TMOD1: variants seen among roughly 807,000 people sequenced by gnomAD.
TMOD1 encodes the protein tropomodulin-1.
TMOD1 carries 17 observed loss-of-function variants against 40.6 expected under a neutral mutation model. The ratio of observed to expected loss-of-function variants is 0.42; its 90% CI spans 0.29 to 0.63. TMOD1 has a LOEUF of 0.63. TMOD1 is among the 20% of genes least tolerant of loss of function. The pLI, the probability that TMOD1 is intolerant of heterozygous loss-of-function variation, is 0.22. For synonymous variants in TMOD1, 181 were observed against 175.0 expected (o/e 1.03, Z -0.27); for missense variants, 391 against 447.6 (o/e 0.87, Z 1.14).
At position 97,599,829 on chromosome 9, in the gene TMOD1, G is replaced by A. The variant is rs1826212994; in HGVS notation, c.*131G>A. The A allele has an allele frequency of 1.3e-6, 2 of 1,500,518 alleles. No individual in the cohort carries two copies. The highest frequency in any genetic ancestry group is 1.8e-6 in the Non-Finnish European group (2 of 1,116,442). The allele number at this position is 1,500,518 out of a possible 1,614,324, so 93.0% of individuals were successfully genotyped here. On this transcript the variant is annotated 3_prime_UTR_variant, in exon 10 of 10. Transcript: ENST00000259365. The stretch of plus-strand genomic sequence containing the variant: ...TGTGGTTCAGTTCTTTATGCACTAA[G>A]GTTTTAGGTTGACTAGTGGTTGTAG...
chr9:97,509,842 C>T lies in TMOD1; in HGVS notation c.-49+8039C>T, dbSNP rs184630132. On this transcript the variant is annotated intron_variant, in intron 1 of 9. Coordinates refer to ENST00000259365, the MANE Select transcript of TMOD1 (RefSeq NM_003275.4). ...GTCAATCTGATAGAACTGATATCTC[C>T]TTCCACAATTTGCTTTTTTATAATT... Among the ~76,000 whole-genome samples, 10 of 152,296 alleles carry T rather than the reference C, an allele frequency of 6.6e-5. No homozygotes were observed. In the East Asian group the frequency reaches 1.9e-3, roughly 29 times the overall value.
At chr9:97,584,102 A>C (rs1825815896) in intron 8 of TMOD1, among the ~76,000 whole-genome samples, 3 of 148,982 alleles carry the variant, frequency 2.0e-5, no homozygotes, top group Non-Finnish European at 3.0e-5. Flanking sequence ...TTAGGGTGTC[A>C]ATTTTGGATC....
At chr9:97,596,557 T>G (rs1187545479) in intron 9 of TMOD1, among the ~76,000 whole-genome samples, 1 of 152,210 alleles carries the variant, frequency 6.6e-6, no homozygotes, top group Non-Finnish European at 1.5e-5. Flanking sequence ...GGGAAGTAGG[T>G]AATTAACATT....
rs1172699377 is a variant in TMOD1 at position 97,564,857 on chromosome 9, A to AG, written c.618+695dup. 8.5e-5 allele frequency among the ~76,000 whole-genome samples: 12 copies of AG among 141,714 alleles called. No homozygotes were observed. The East Asian group carries it at 2.4e-3, about 29-fold the overall frequency. The allele number at this position is 141,714 out of a possible 152,430, so 93.0% of individuals were successfully genotyped here. On this transcript the variant is annotated intron_variant, in intron 6 of 9. Transcript: ENST00000259365. ...CAGAGACCAGTGGATTAGTTCTGGGAGGGGGGTGGGGGTAAGACTAGAAGC... is the reference window on the plus strand; with the variant it reads ...CAGAGACCAGTGGATTAGTTCTGGGAGGGGGGGTGGGGGTAAGACTAGAAGC...
chr9:97,589,397 G>A (rs544556616), intron 8 of TMOD1, among the ~76,000 whole-genome samples: 2 of 147,564 alleles, frequency 1.4e-5, no homozygotes, highest in Admixed American at 6.8e-5. Flanking sequence ...TCAGCCTCCC[G>A]AGTATCTGGG....
At chr9:97,528,990 A>G (rs949251232) in intron 2 of TMOD1, among the ~76,000 whole-genome samples, 1 of 152,174 alleles carries the variant, frequency 6.6e-6, no homozygotes. Flanking sequence ...TATCATCCCC[A>G]TTTTACAGAT....
chr9:97,575,201 G>A (rs1269648063), intron 8 of TMOD1, among the ~76,000 whole-genome samples: 1 of 151,588 alleles, frequency 6.6e-6, no homozygotes, highest in Non-Finnish European at 1.5e-5. Flanking sequence ...TCGAGACCAC[G>A]AACCCACTGG....
chr9:97,511,160 G>A (rs1445137415), intron 1 of TMOD1, among the ~76,000 whole-genome samples: 4 of 151,862 alleles, frequency 2.6e-5, no homozygotes, highest in East Asian at 1.9e-4. Flanking sequence ...TTAGAGCATC[G>A]AGCATGGCTC....
intron 1 of TMOD1, among the ~76,000 whole-genome samples, chr9:97,520,289 A>G (rs1294615967): frequency 6.6e-6 from 1 of 152,164 alleles, no homozygotes; most frequent in Non-Finnish European, 1.5e-5. Flanking sequence ...CACAAGTCCT[A>G]TGAAGCTCAG....
intron 2 of TMOD1, among the ~76,000 whole-genome samples, chr9:97,528,841 C>T (rs1329736750): frequency 1.3e-5 from 2 of 152,264 alleles, no homozygotes; most frequent in Admixed American, 1.3e-4. Flanking sequence ...CCACTGCCCT[C>T]TCTGTTATAG....
chr9:97,566,868 C>T (rs746432558), intron 7 of TMOD1, among the ~76,000 whole-genome samples: 111 of 152,026 alleles, frequency 7.3e-4, no homozygotes, highest in Non-Finnish European at 1.4e-3. Context: ...CTGTGCCCAA[C>T]GCTGAATTAG....
rs200764708 is a variant in TMOD1 at position 97,559,821 on chromosome 9, ATATG to A, written c.398-2909_398-2906del. ...TATATATATATATATATATATATAT[ATATG>A]TCTATCTATCTATCTATCTATCTAT... On this transcript the variant is annotated intron_variant, in intron 4 of 9. Coordinates refer to ENST00000259365, the MANE Select transcript of TMOD1 (RefSeq NM_003275.4). Among the ~76,000 whole-genome samples, 37 of 26,196 alleles carry A rather than the reference ATATG, an allele frequency of 1.4e-3. 1 individual carries two copies. Among genetic ancestry groups the A allele is most frequent in the African/African-American group, 4.5e-3 (32 of 7,094 alleles). The allele number at this position is 26,196 out of a possible 152,430, so 17.2% of individuals were successfully genotyped here. A position where few individuals can be genotyped will look rare whatever the true frequency, so the allele number is the denominator to read the frequency against.
intron 1 of TMOD1, among the ~76,000 whole-genome samples, chr9:97,507,071 C>T (rs2131204466): frequency 6.6e-6 from 1 of 152,302 alleles, no homozygotes; most frequent in South Asian, 2.1e-4. Context: ...ACAAAGCTTC[C>T]TCCTGGCCAT....
intron 1 of TMOD1, among the ~76,000 whole-genome samples, chr9:97,504,623 C>T (rs1365261264): frequency 2.6e-5 from 4 of 152,120 alleles, no homozygotes; most frequent in African/African-American, 7.2e-5. Flanking sequence ...AAAGGTAAAA[C>T]GAAGCAGATC....
chr9:97,548,361 T>C (rs1275060139), intron 3 of TMOD1, among the ~76,000 whole-genome samples: 2 of 152,148 alleles, frequency 1.3e-5, no homozygotes, highest in Non-Finnish European at 2.9e-5. Flanking sequence ...CAGGTTTCAC[T>C]GAAAACTGGA....
chr9:97,546,586 C>T (rs537764955), intron 3 of TMOD1, among the ~76,000 whole-genome samples: 2 of 152,276 alleles, frequency 1.3e-5, no homozygotes, highest in East Asian at 3.9e-4. Flanking sequence ...AAACTTTTCC[C>T]TAAACCCTCT....
rs530403150 is a variant in TMOD1 at position 97,554,803 on chromosome 9, A to G, written c.397+1403A>G. 4.6e-4 allele frequency among the ~76,000 whole-genome samples: 70 copies of G among 151,988 alleles called. 1 individual carries two copies. The highest frequency in any genetic ancestry group is 1.0e-3 in the South Asian group (5 of 4,796). On this transcript the variant is annotated intron_variant, in intron 4 of 9. Transcript: ENST00000259365. ...CCACAGCTGCCTTCTGCGACTTGTG[A>G]GTAGTGTTGTGCATGACTTTGGTGA... is the stretch of plus-strand genomic sequence containing the variant.
chr9:97,548,874 A>C (rs1166259278), intron 3 of TMOD1, among the ~76,000 whole-genome samples: 4 of 152,214 alleles, frequency 2.6e-5, no homozygotes, highest in Admixed American at 6.5e-5. Context: ...TGGAGGTCTC[A>C]GAGCCAGTGG....
At chr9:97,514,914 T>C (rs1829777781) in intron 1 of TMOD1, among the ~76,000 whole-genome samples, 1 of 152,204 alleles carries the variant, frequency 6.6e-6, no homozygotes, top group Admixed American at 6.5e-5. Context: ...CTGGCATGAC[T>C]TCCTGGCCCT....
Sources: allele counts gnomAD v4.1 joint callset (sites outside exome capture counted in the v4.1 genomes callset), GRCh38; gene constraint gnomAD v4.1.1; transcripts MANE v1.5; gene names NCBI Gene and HGNC (gene_info 2026-07-23, HGNC 2026-07-21).